The following STXBP5L variants were observed in gnomAD, a reference collection of about 807,000 sequenced individuals.
STXBP5L encodes the protein syntaxin binding protein 5L, also known as syntaxin-binding protein 5-like.
STXBP5L carries 65 observed loss-of-function variants against 144.5 expected under a neutral mutation model. That is an observed-to-expected ratio of 0.45 (90% CI 0.37 to 0.55). The LOEUF is 0.55. Among genes scored for constraint, STXBP5L ranks in the 20% least tolerant of loss-of-function variants. The pLI is 0.00. For synonymous variants in STXBP5L, 505 were observed against 469.6 expected, an observed-to-expected ratio of 1.08 and a Z score of -0.97; for missense variants, 1,298 against 1,405.5, an observed-to-expected ratio of 0.92 and a Z score of 1.22.
intron 3 of STXBP5L, among the ~76,000 whole-genome samples, chr3:121,006,743 C>G (rs956703027): frequency 6.6e-6 from 1 of 152,104 alleles, no homozygotes; most frequent in Non-Finnish European, 1.5e-5. Flanking sequence ...TAGGGCAGGC[C>G]TGGTGGTGAC....
intron 11 of STXBP5L, among the ~76,000 whole-genome samples, chr3:121,227,640 T>C (rs140467466): frequency 9.8e-4 from 149 of 152,262 alleles, no homozygotes; most frequent in Admixed American, 3.1e-3. Flanking sequence ...TTGCAAATAC[T>C]TCTAGAGAAT....
chr3:121,039,687 G>T (rs9815133), intron 3 of STXBP5L, among the ~76,000 whole-genome samples: 15,070 of 151,546 alleles, frequency 0.099, 1,179 homozygotes, highest in Admixed American at 0.2. Flanking sequence ...AGTTTCATTT[G>T]TGAAGAAAAC....
intron 3 of STXBP5L, among the ~76,000 whole-genome samples, chr3:121,004,031 A>G (rs566516386): frequency 0.04 from 6,075 of 152,018 alleles, 166 homozygotes; most frequent in Middle Eastern, 0.079. Flanking sequence ...TTGGCAATGC[A>G]GGCTCTTTTT....
chr3:121,299,213 A>G (rs779735155), intron 19 of STXBP5L, among the ~76,000 whole-genome samples: 2 of 152,212 alleles, frequency 1.3e-5, no homozygotes, highest in African/African-American at 4.8e-5. Flanking sequence ...CAGTATTACT[A>G]TCTTTTCCCA....
At chr3:121,144,885 T>G (rs2045655488) in intron 7 of STXBP5L, among the ~76,000 whole-genome samples, 1 of 151,976 alleles carries the variant, frequency 6.6e-6, no homozygotes, top group African/African-American at 2.4e-5. Flanking sequence ...GGATATTATG[T>G]GAAGTGAAAT....
intron 2 of STXBP5L, among the ~76,000 whole-genome samples, chr3:120,943,558 T>A (rs1214755437): frequency 6.6e-6 from 1 of 151,792 alleles, no homozygotes; most frequent in Non-Finnish European, 1.5e-5. Flanking sequence ...GGCCATGGTT[T>A]ATCATTGTTT....
At chr3:121,160,829 T>G (rs2046298825) in intron 9 of STXBP5L, among the ~76,000 whole-genome samples, 1 of 152,186 alleles carries the variant, frequency 6.6e-6, no homozygotes, top group South Asian at 2.1e-4. Flanking sequence ...CCATTTTAAT[T>G]TAAATATTAA....
chr3:120,960,338 G>A lies in STXBP5L; in HGVS notation c.287+5301G>A, dbSNP rs866201193. ...ACTGTAAACTAGTTCAACCATTGTG[G>A]AAGTCAGTGTGGCGATTCCTCAGGG... is the stretch of plus-strand genomic sequence containing the variant. On this transcript the variant is annotated intron_variant, in intron 3 of 26. Coordinates refer to ENST00000471454, the MANE Select transcript of STXBP5L (RefSeq NM_001308330.2). Among the ~76,000 whole-genome samples, 12 of 152,294 alleles carry A rather than the reference G, an allele frequency of 7.9e-5. No individual in the cohort carries two copies. In the East Asian group the frequency reaches 2.3e-3, roughly 29 times the overall value.
chr3:121,166,599 C>A (rs1024699026), intron 9 of STXBP5L, among the ~76,000 whole-genome samples: 1 of 152,054 alleles, frequency 6.6e-6, no homozygotes, highest in Admixed American at 6.6e-5. Flanking sequence ...TATTCTGGGT[C>A]CTACTATTCT....
intron 5 of STXBP5L, among the ~76,000 whole-genome samples, chr3:121,075,233 C>T (rs73855320): frequency 0.019 from 2,924 of 152,168 alleles, 103 homozygotes; most frequent in African/African-American, 0.067. Flanking sequence ...GACATTCATT[C>T]CTCCAGTGTC....
At chr3:120,965,674 G>C (rs1353534013) in intron 3 of STXBP5L, among the ~76,000 whole-genome samples, 2 of 152,052 alleles carry the variant, frequency 1.3e-5, no homozygotes, top group Admixed American at 6.6e-5. Flanking sequence ...TCCCTTTGTG[G>C]GTAACTTGAC....
chr3:121,060,607 T>A (rs12330178), intron 5 of STXBP5L, among the ~76,000 whole-genome samples: 15,110 of 152,218 alleles, frequency 0.099, 1,186 homozygotes, highest in Admixed American at 0.2. Flanking sequence ...TGTTCTGGAC[T>A]GTTTTTGGTT....
At chr3:121,073,096 C>T (rs374578680) in intron 5 of STXBP5L, among the ~76,000 whole-genome samples, 2 of 152,342 alleles carry the variant, frequency 1.3e-5, no homozygotes, top group East Asian at 3.9e-4. Context: ...GAAGCTGCTT[C>T]CATCAGTAAA....
chr3:120,982,082 A>G (rs1307909163), intron 3 of STXBP5L, among the ~76,000 whole-genome samples: 1 of 152,164 alleles, frequency 6.6e-6, no homozygotes, highest in East Asian at 1.9e-4. Flanking sequence ...ATTCCTCAAC[A>G]CTGTGGACTT....
At chr3:121,361,673 T>C (rs1388129559) in intron 20 of STXBP5L, among the ~76,000 whole-genome samples, 1 of 152,102 alleles carries the variant, frequency 6.6e-6, no homozygotes, top group Non-Finnish European at 1.5e-5. Flanking sequence ...ATTTATCTGA[T>C]AGAATTCTGA....
chr3:121,019,259 C>G (rs1450718334), intron 3 of STXBP5L, among the ~76,000 whole-genome samples: 1 of 152,178 alleles, frequency 6.6e-6, no homozygotes. Flanking sequence ...ATGCCTAGCC[C>G]TGCCCCTCAA....
At chr3:120,930,227 T>A (rs1430719918) in intron 2 of STXBP5L, among the ~76,000 whole-genome samples, 1 of 151,548 alleles carries the variant, frequency 6.6e-6, no homozygotes, top group East Asian at 1.9e-4. Flanking sequence ...CTCTGGTACT[T>A]TGTCATAGCA....
chr3:121,380,509 C>T (rs932071703), intron 21 of STXBP5L, among the ~76,000 whole-genome samples: 3 of 151,956 alleles, frequency 2.0e-5, no homozygotes, highest in Non-Finnish European at 2.9e-5. Context: ...ACCTTGATAA[C>T]ATTTCACTGA....
At chr3:121,052,278 C>T (rs200316738) in intron 5 of STXBP5L, among the ~76,000 whole-genome samples, 1 of 152,098 alleles carries the variant, frequency 6.6e-6, no homozygotes, top group East Asian at 1.9e-4. Flanking sequence ...CAAAGCCTGG[C>T]AGAGACATAA....
Sources: allele counts gnomAD v4.1 joint callset (sites outside exome capture counted in the v4.1 genomes callset), GRCh38; gene constraint gnomAD v4.1.1; transcripts MANE v1.5; gene names NCBI Gene and HGNC (gene_info 2026-07-23, HGNC 2026-07-21).